The following PPP2R5C variants were observed in gnomAD, a reference collection of about 807,000 sequenced individuals.
PPP2R5C encodes the protein serine/threonine-protein phosphatase 2A 56 kDa regulatory subunit gamma isoform.
A neutral mutation model predicts 68.9 loss-of-function variants in PPP2R5C; 7 were observed. That is an observed-to-expected ratio of 0.10 (90% confidence interval 0.06 to 0.19). PPP2R5C has a LOEUF of 0.19. Among genes scored for constraint, PPP2R5C ranks in the 10% least tolerant of loss-of-function variants. The pLI, the probability that PPP2R5C is intolerant of heterozygous loss-of-function variation, is 1.00. For synonymous variants in PPP2R5C, 210 were observed against 222.2 expected, an observed-to-expected ratio of 0.95 and a Z score of 0.49; for missense variants, 348 against 641.3, an observed-to-expected ratio of 0.54 and a Z score of 4.94.
At chr14:101,893,234 A>G in intron 7 of PPP2R5C, 126 bp downstream of exon 9, 1 of 592,192 alleles carries the variant, frequency 1.7e-6, no homozygotes, top group Non-Finnish European at 2.9e-6. Context: ...CTTTGGTAAC[A>G]AACTTCTGGT....
intron 1 of PPP2R5C, chr14:101,824,301 C>A: frequency 1.3e-6 from 1 of 751,764 alleles, no homozygotes; most frequent in Non-Finnish European, 1.8e-6. Flanking sequence ...GAGAGGTATT[C>A]ATCTGAAAAC....
rs369749959 is a variant in PPP2R5C, at chr14:101,762,982, C to T, written c.93+12C>T. 7.4e-4 allele frequency: 1,151 copies of T among 1,557,718 alleles called. 2 individuals carry two copies. The highest frequency in any genetic ancestry group is 9.5e-4 in the Non-Finnish European group (1,086 of 1,147,656). Reference sequence around the variant, plus strand: ...CAGTAGAATCAGAGGTAACTGTCATCAAATATTGACTTTGTATTTTATACA... The same window carrying T: ...CAGTAGAATCAGAGGTAACTGTCATTAAATATTGACTTTGTATTTTATACA... On this transcript the variant is annotated intron_variant, in intron 2 of 14. Coordinates refer to the PPP2R5C transcript ENST00000328724.
At chr14:101,809,425 G>T (rs544199103), upstream of PPP2R5C, among the ~76,000 whole-genome samples, 75 of 151,258 alleles carry the variant, frequency 5.0e-4, 1 homozygote, top group African/African-American at 1.7e-3. Flanking sequence ...ACACTGGGTT[G>T]CCAGAATCCT....
chr14:101,765,380 C>CGGCGA, intron 2 of PPP2R5C: 2 of 638,652 alleles, frequency 3.1e-6, no homozygotes, highest in Non-Finnish European at 5.7e-6. Context: ...GTTTTTTTTC[C>CGGCGA]CCTCAGTCTT....
At position 101,789,243 on chromosome 14, in the gene PPP2R5C, A is replaced by C. The variant is rs532317319; in HGVS notation, c.259+3060A>C. On this transcript the variant is annotated intron_variant, in intron 3 of 14. Transcript: ENST00000328724. ...GAAGGACCAATAAAACCTGGAACAG[A>C]GGTGATAGCAGGCATTCCTGTTTTC... Among the ~76,000 whole-genome samples the C allele has an allele frequency of 4.6e-5, 7 of 152,340 alleles. No homozygotes were observed. The South Asian group carries it at 1.4e-3, about 32-fold the overall frequency.
At chr14:101,894,008 G>T (rs968501035) in intron 7 of PPP2R5C, among the ~76,000 whole-genome samples, 3 of 152,214 alleles carry the variant, frequency 2.0e-5, no homozygotes, top group African/African-American at 7.2e-5. Flanking sequence ...CACTTTCAGA[G>T]CTTATGGTAG....
rs1034040052 is a variant in PPP2R5C at position 101,892,765 on chromosome 14, T to C, written c.690-235T>C. Reference sequence around the variant, plus strand: ...CTATACTACCCAGGCTAGAGAACAGTGGCTCTTCACAGGTGTGATTATAGC... The same window carrying C: ...CTATACTACCCAGGCTAGAGAACAGCGGCTCTTCACAGGTGTGATTATAGC... On this transcript the variant is annotated intron_variant, in intron 6 of 13. Coordinates refer to ENST00000334743, the Ensembl canonical transcript of PPP2R5C. 4.6e-5 allele frequency among the ~76,000 whole-genome samples: 7 copies of C among 152,188 alleles called. No homozygotes were observed. The East Asian group carries it at 1.4e-3, about 29-fold the overall frequency.
At chr14:101,844,970 G>A (rs188888148) in intron 1 of PPP2R5C, among the ~76,000 whole-genome samples, 17 of 152,272 alleles carry the variant, frequency 1.1e-4, no homozygotes, top group African/African-American at 4.1e-4. Context: ...GCTGCACGAA[G>A]GGTGTTGAGC....
chr14:101,919,993 C>CAAAAAAAAA (rs367834588), intron 13 of PPP2R5C, among the ~76,000 whole-genome samples: 1 of 117,476 alleles, frequency 8.5e-6, no homozygotes, highest in African/African-American at 3.6e-5. Context: ...AAAAAAAAAA[C>CAAAAAAAAA]CAATTCTTAC....
intron 1 of PPP2R5C, among the ~76,000 whole-genome samples, chr14:101,852,069 C>T (rs947109657): frequency 1.3e-5 from 2 of 152,212 alleles, no homozygotes; most frequent in African/African-American, 2.4e-5. Context: ...CTTCTGTCCA[C>T]GCTTGCCTGG....
At chr14:101,786,107 G>T in exon 3 of PPP2R5C, 1 of 1,580,694 alleles carries the variant, frequency 6.3e-7, no homozygotes. Flanking sequence ...CCATAGTGAA[G>T]AAAGACAAAC....
intron 1 of PPP2R5C, among the ~76,000 whole-genome samples, chr14:101,846,714 G>A (rs2041850060): frequency 6.6e-6 from 1 of 152,206 alleles, no homozygotes; most frequent in Admixed American, 6.5e-5. Flanking sequence ...CAGAGCTTGT[G>A]TGTCGGGTTT....
At position 101,788,412 on chromosome 14, in the gene PPP2R5C, C is replaced by T. The variant is rs945842371; in HGVS notation, c.259+2229C>T. 1.2e-4 allele frequency among the ~76,000 whole-genome samples: 19 copies of T among 152,312 alleles called. 1 individual carries two copies. Among genetic ancestry groups the T allele is most frequent in the African/African-American group, 3.1e-4 (13 of 41,570 alleles). ...TTGTCGCCGTATATTATTCCATGCG[C>T]GGGGCAGAGCCCATGCAAGTACCGG... On this transcript the variant is annotated intron_variant, in intron 3 of 14. Coordinates refer to the PPP2R5C transcript ENST00000328724.
At chr14:101,907,667 G>A (rs1375153483) in intron 10 of PPP2R5C, among the ~76,000 whole-genome samples, 3 of 152,130 alleles carry the variant, frequency 2.0e-5, no homozygotes, top group Non-Finnish European at 4.4e-5. Context: ...GAGGGCATTC[G>A]CAGCCCAGTC....
chr14:101,797,311 T>A lies in PPP2R5C; in HGVS notation c.259+11128T>A. 2.2e-6 allele frequency: 1 copy of A among 456,012 alleles called. No individual in the cohort carries two copies. Among genetic ancestry groups the A allele is most frequent in the Non-Finnish European group, 4.4e-6 (1 of 226,790 alleles). The allele number at this position is 456,012 out of a possible 1,614,324, so 28.2% of individuals were successfully genotyped here. A position where few individuals can be genotyped will look rare whatever the true frequency, so the allele number is the denominator to read the frequency against. ...CGGACACATTCCGCGTATCCCCCAA[T>A]CAGTGGATGGACGCGTGGGTTGCAG... On this transcript the variant is annotated intron_variant, in intron 3 of 14. Transcript: ENST00000328724. The surrounding 1 kb of genome is among the most constrained non-coding windows in gnomAD (Gnocchi z 4.2).
At chr14:101,795,846 A>G (rs898192452) in intron 3 of PPP2R5C, among the ~76,000 whole-genome samples, 20 of 152,114 alleles carry the variant, frequency 1.3e-4, no homozygotes, top group African/African-American at 4.8e-4. Context: ...TTTTTGAGAC[A>G]CGGTTTCGCT....
At chr14:101,889,514 C>T (rs1405895252) in intron 5 of PPP2R5C, among the ~76,000 whole-genome samples, 1 of 152,200 alleles carries the variant, frequency 6.6e-6, no homozygotes, top group Non-Finnish European at 1.5e-5. Context: ...AACATAGTCA[C>T]GAGAAGTCCT....
In PPP2R5C at chr14:101,883,254, T is replaced by C; in HGVS notation, c.406-3T>C. The C allele has an allele frequency of 6.5e-7, 1 of 1,532,306 alleles. No individual in the cohort carries two copies. The highest frequency in any genetic ancestry group is 8.9e-7 in the Non-Finnish European group (1 of 1,127,952). The allele number at this position is 1,532,306 out of a possible 1,614,324, so 94.9% of individuals were successfully genotyped here. The stretch of plus-strand genomic sequence containing the variant: ...TTTGACTCATTGTTTTTTTTCCTCC[T>C]AGCTTGTTTATGAATTTTTCTTAAG... On this transcript the variant is annotated splice_region_variant and splice_polypyrimidine_tract_variant and intron_variant, in intron 3 of 13. Transcript: ENST00000334743.
chr14:101,791,143 C>CT (rs1177873821), intron 3 of PPP2R5C, among the ~76,000 whole-genome samples: 1 of 152,168 alleles, frequency 6.6e-6, no homozygotes, highest in Non-Finnish European at 1.5e-5. Context: ...AGTGGTTGTA[C>CT]TGTTTTACAT....
Sources: gnomAD v4.1 joint callset for allele counts (sites outside exome capture counted in the v4.1 genomes callset) on GRCh38, gnomAD v4.1.1 for gene constraint, Gnocchi (gnomAD v3.1) non-coding constraint, MANE v1.5 for transcripts, NCBI Gene and HGNC (gene_info 2026-07-23, HGNC 2026-07-21) for gene names.